The following BFSP1 variants were observed in gnomAD, a reference collection of about 807,000 sequenced individuals.
BFSP1 encodes beaded filament structural protein 1.
A neutral mutation model predicts 43.9 loss-of-function variants in BFSP1; 38 were observed. The observed-to-expected ratio is 0.87, with a 90% confidence interval of 0.67 to 1.14. The LOEUF is 1.14. BFSP1 is among the 50% of genes most tolerant of loss of function. The pLI is 0.00. For missense variants in BFSP1, 850 were observed against 875.1 expected (o/e 0.97, Z 0.36); for synonymous variants, 352 against 354.8 (o/e 0.99, Z 0.09).
intron 1 of BFSP1, among the ~76,000 whole-genome samples, chr20:17,544,517 G>GATAT (rs2034770212): frequency 6.6e-6 from 1 of 152,126 alleles, no homozygotes; most frequent in African/African-American, 2.4e-5. Context: ...TAATAGATCA[G>GATAT]CTCTCTAGAG....
chr20:17,522,567 T>TA (rs2034340131), intron 2 of BFSP1, among the ~76,000 whole-genome samples: 1 of 152,244 alleles, frequency 6.6e-6, no homozygotes, highest in African/African-American at 2.4e-5. Context: ...CAGGTAATCA[T>TA]AAAAAATTCA....
At chr20:17,497,457 T>C (rs796623841) in intron 6 of BFSP1, among the ~76,000 whole-genome samples, 78 of 72,080 alleles carry the variant, frequency 1.1e-3, no homozygotes, top group African/African-American at 3.7e-3. Context: ...TGTATATATA[T>C]ATACACACAC....
chr20:17,541,750 A>G (rs1256381126), intron 1 of BFSP1, among the ~76,000 whole-genome samples: 3 of 152,158 alleles, frequency 2.0e-5, no homozygotes, highest in Admixed American at 2.0e-4. Flanking sequence ...GTAGCATCCA[A>G]GTTGGATATG....
chr20:17,560,207 A>G (rs1423623377), upstream of BFSP1: 1 of 152,140 alleles, frequency 6.6e-6, no homozygotes. Flanking sequence ...TATCTTATGT[A>G]TCTTGGTCCA....
chr20:17,494,753 C>A lies in BFSP1; in HGVS notation c.1319G>T (p.Gly440Val). ...GACCTTCCTGTATAGTTTCCCAAAG[C>A]CTTTGCTTATCTGCCCTCCATCTGG... ...DVPDGGQISKGFGKLYRKVKE... is the reference protein window; with the variant it reads ...DVPDGGQISKVFGKLYRKVKE... The change falls in exon 8 of 8, where the codon GGC becomes GTC. Residue 440 changes from glycine to valine, a missense_variant. Coordinates refer to ENST00000377873, the MANE Select transcript of BFSP1 (RefSeq NM_001195.5). 6.2e-7 allele frequency: 1 copy of A among 1,614,162 alleles called. No individual in the cohort carries two copies. Among genetic ancestry groups the A allele is most frequent in the South Asian group, 1.1e-5 (1 of 91,078 alleles).
At chr20:17,541,139 A>G in intron 1 of BFSP1, 1 of 473,092 alleles carries the variant, frequency 2.1e-6, no homozygotes, top group Non-Finnish European at 2.8e-6. Context: ...GCAGTGAGCA[A>G]TGATCATTCC....
intron 1 of BFSP1, among the ~76,000 whole-genome samples, chr20:17,566,944 G>A (rs571650332): frequency 1.1e-4 from 16 of 152,212 alleles, no homozygotes; most frequent in South Asian, 6.2e-4. Context: ...GAGCCACGGT[G>A]CCCGGCCTAG....
At chr20:17,563,306 TAC>T (rs2122130899), upstream of BFSP1, among the ~76,000 whole-genome samples, 1 of 152,310 alleles carries the variant, frequency 6.6e-6, no homozygotes, top group South Asian at 2.1e-4. Flanking sequence ...TCCTATATAG[TAC>T]AGGGTATGTG....
At chr20:17,505,330 C>T (rs2033908772) in intron 5 of BFSP1, among the ~76,000 whole-genome samples, 1 of 152,182 alleles carries the variant, frequency 6.6e-6, no homozygotes, top group Non-Finnish European at 1.5e-5. Flanking sequence ...CCCCAGAGCT[C>T]CTGGGTCAGT....
rs190504876 is a variant in BFSP1 at position 17,522,353 on chromosome 20, C to A, written c.438+2495G>T. Among the ~76,000 whole-genome samples, 8 of 152,278 alleles carry A rather than the reference C, an allele frequency of 5.3e-5. No homozygotes were observed. In the East Asian group the frequency reaches 1.5e-3, roughly 29 times the overall value. On this transcript the variant is annotated intron_variant, in intron 2 of 7. Transcript: ENST00000377873. ...ATTTCTGAGAATAAAACCTGCCCCCCCAATAACCACGGGCTGTTCTGAGGC... is the reference window on the plus strand; with the variant it reads ...ATTTCTGAGAATAAAACCTGCCCCCACAATAACCACGGGCTGTTCTGAGGC...
At chr20:17,510,840 CA>C (rs1157029032) in intron 4 of BFSP1, among the ~76,000 whole-genome samples, 1 of 152,196 alleles carries the variant, frequency 6.6e-6, no homozygotes, top group Non-Finnish European at 1.5e-5. Context: ...GTCATCCTTG[CA>C]AAAAGACCCA....
upstream of BFSP1, among the ~76,000 whole-genome samples, chr20:17,562,068 A>G (rs1383225779): frequency 6.6e-6 from 1 of 151,948 alleles, no homozygotes; most frequent in Non-Finnish European, 1.5e-5. Flanking sequence ...TTACAAGCGC[A>G]CACTACCACA....
intron 1 of BFSP1, among the ~76,000 whole-genome samples, chr20:17,567,064 C>T (rs2035127793): frequency 6.6e-6 from 1 of 152,168 alleles, no homozygotes; most frequent in African/African-American, 2.4e-5. Context: ...GATTACCTTT[C>T]AGCTTCCGGA....
At position 17,494,768 on chromosome 20, in the gene BFSP1, C is replaced by T; in HGVS notation, c.1304G>A (p.Gly435Glu). 6.2e-7 allele frequency: 1 copy of T among 1,614,084 alleles called. No homozygotes were observed. The highest frequency in any genetic ancestry group is 8.5e-7 in the Non-Finnish European group (1 of 1,180,018). Reference protein sequence around the residue: ...EGAPEDVPDGGQISKGFGKLY... With the variant: ...EGAPEDVPDGEQISKGFGKLY... ...TTTCCCAAAGCCTTTGCTTATCTGC[C>T]CTCCATCTGGCACATCCTCTGGAGC... Residue 435 changes from glycine (G) to glutamate (E), a missense_variant, in exon 8 of 8, where the codon GGG becomes GAG. Physicochemically the swap from Gly to Glu is moderately conservative, Grantham distance 98. Transcript: ENST00000377873.
chr20:17,505,595 C>G (rs929968414), intron 5 of BFSP1, among the ~76,000 whole-genome samples: 2 of 152,272 alleles, frequency 1.3e-5, no homozygotes, highest in African/African-American at 4.8e-5. Flanking sequence ...TCAGCTCTAG[C>G]TTAGCTGCTA....
At chr20:17,548,796 T>TTTTGTTTG (rs201553569) in intron 1 of BFSP1, among the ~76,000 whole-genome samples, 182 of 151,954 alleles carry the variant, frequency 1.2e-3, no homozygotes, top group African/African-American at 4.1e-3. Context: ...GTGGTGGTAG[T>TTTTGTTTG]TTTGTTTGTT....
At chr20:17,540,566 C>G (rs759778180) in intron 1 of BFSP1, among the ~76,000 whole-genome samples, 55 of 152,158 alleles carry the variant, frequency 3.6e-4, no homozygotes, top group Admixed American at 1.2e-3. Flanking sequence ...GACTGCAGCT[C>G]TTTGAGGGCA....
intron 1 of BFSP1, among the ~76,000 whole-genome samples, chr20:17,554,639 A>G (rs1162269299): frequency 1.3e-5 from 2 of 152,256 alleles, no homozygotes; most frequent in Non-Finnish European, 2.9e-5. Context: ...CCTAACAGAA[A>G]GAGCAGAACA....
intron 1 of BFSP1, among the ~76,000 whole-genome samples, chr20:17,564,433 T>C (rs1208602541): frequency 6.6e-6 from 1 of 152,080 alleles, no homozygotes; most frequent in Non-Finnish European, 1.5e-5. Context: ...ATCTGAATTG[T>C]TTGGCACTGT....
Sources: allele counts gnomAD v4.1 joint callset (sites outside exome capture counted in the v4.1 genomes callset), GRCh38; gene constraint gnomAD v4.1.1; transcripts MANE v1.5; gene names NCBI Gene and HGNC (gene_info 2026-07-23, HGNC 2026-07-21).